CDK8: variants seen among roughly 807,000 people sequenced by gnomAD.
CDK8 encodes the protein cyclin-dependent kinase 8.
Under a neutral mutation model 71.5 loss-of-function variants are expected in CDK8, and 29 were observed. The observed-to-expected ratio is 0.41, with a 90% CI of 0.30 to 0.55. The LOEUF (loss-of-function observed/expected upper bound fraction) is 0.55. Ranked by LOEUF, CDK8 falls within the 20% of genes least tolerant of loss-of-function variation. CDK8 has a pLI of 0.37. For synonymous variants in CDK8, 161 were observed against 192.1 expected (o/e 0.84, Z 1.34); for missense variants, 288 against 572.6 (o/e 0.50, Z 5.07).
chr13:26,281,009 C>T (rs529515378), intron 1 of CDK8, among the ~76,000 whole-genome samples: 1 of 152,262 alleles, frequency 6.6e-6, no homozygotes, highest in African/African-American at 2.4e-5. Flanking sequence ...TCTCTCAAAA[C>T]TGCCACCTTC....
At chr13:26,375,725 A>C (rs575801400) in intron 4 of CDK8, among the ~76,000 whole-genome samples, 1 of 152,396 alleles carries the variant, frequency 6.6e-6, no homozygotes, top group East Asian at 1.9e-4. Context: ...TGGAGCATCT[A>C]TGGCTGTAGA....
At chr13:26,287,629 T>G (rs907066692) in intron 1 of CDK8, among the ~76,000 whole-genome samples, 1 of 152,248 alleles carries the variant, frequency 6.6e-6, no homozygotes, top group South Asian at 2.1e-4. Context: ...TGTACACTGC[T>G]CAGGTGATGG....
chr13:26,288,061 CA>C (rs1236648951), intron 1 of CDK8, among the ~76,000 whole-genome samples: 12 of 152,206 alleles, frequency 7.9e-5, no homozygotes, highest in Admixed American at 5.2e-4. Flanking sequence ...CTCTCCGGCT[CA>C]AGCAGTTCTC....
chr13:26,280,552 G>T (rs1872703617), intron 1 of CDK8, among the ~76,000 whole-genome samples: 1 of 152,150 alleles, frequency 6.6e-6, no homozygotes, highest in Non-Finnish European at 1.5e-5. Flanking sequence ...AGTAGTTTTA[G>T]TTTTGTTTCA....
Position 26,385,226 on chromosome 13 carries a change from C to T in CDK8, c.530C>T (p.Ala177Val), listed in dbSNP as rs2138050058. The T allele has an allele frequency of 6.2e-7, 1 of 1,608,914 alleles. No individual in the cohort carries two copies. Among genetic ancestry groups the T allele is most frequent in the South Asian group, 1.1e-5 (1 of 89,524 alleles). The change falls in exon 6 of 13, where the codon GCC becomes GTC. Residue 177 changes from alanine to valine, a missense_variant. Transcript: ENST00000381527. ...TATTTTACAGCTGACATGGGCTTTG[C>T]CCGATTATTTAATTCACCTTTGAAG... ...GRVKIADMGF[A>V]RLFNSPLKPL...
At chr13:26,390,036 C>G (rs1219626641) in intron 6 of CDK8, among the ~76,000 whole-genome samples, 1 of 151,990 alleles carries the variant, frequency 6.6e-6, no homozygotes, top group African/African-American at 2.4e-5. Flanking sequence ...GAAGGAATTA[C>G]AAAATGGAAC....
At chr13:26,395,599 G>A (rs1423618034) in intron 7 of CDK8, among the ~76,000 whole-genome samples, 1 of 152,082 alleles carries the variant, frequency 6.6e-6, no homozygotes, top group Non-Finnish European at 1.5e-5. Context: ...AACACATTAT[G>A]TAGCATGTAT....
intron 4 of CDK8, among the ~76,000 whole-genome samples, chr13:26,371,942 T>G (rs1173965167): frequency 3.9e-5 from 6 of 152,116 alleles, no homozygotes; most frequent in Non-Finnish European, 7.4e-5. Flanking sequence ...TCTATCAGAT[T>G]ATGACAAAAT....
intron 1 of CDK8, among the ~76,000 whole-genome samples, chr13:26,312,216 C>T (rs1395352583): frequency 6.6e-6 from 1 of 152,194 alleles, no homozygotes; most frequent in Non-Finnish European, 1.5e-5. Flanking sequence ...CACCAATCAG[C>T]ACCCTGTAAA....
At chr13:26,339,074 C>A (rs1226715436) in intron 2 of CDK8, among the ~76,000 whole-genome samples, 1 of 152,020 alleles carries the variant, frequency 6.6e-6, no homozygotes, top group East Asian at 1.9e-4. Flanking sequence ...TGAAAGCCTA[C>A]TTTTAATGTA....
chr13:26,306,002 T>C (rs1874024734), intron 1 of CDK8, among the ~76,000 whole-genome samples: 2 of 152,192 alleles, frequency 1.3e-5, no homozygotes, highest in African/African-American at 4.8e-5. Context: ...TATTTGGAAT[T>C]TTTCTTGAAA....
At chr13:26,398,368 C>T (rs930283376) in intron 9 of CDK8, among the ~76,000 whole-genome samples, 2 of 152,102 alleles carry the variant, frequency 1.3e-5, no homozygotes, top group African/African-American at 4.8e-5. Context: ...TTATTATTCT[C>T]CTTGATTCCC....
intron 4 of CDK8, among the ~76,000 whole-genome samples, chr13:26,372,289 A>G (rs1445350839): frequency 6.6e-6 from 1 of 152,222 alleles, no homozygotes; most frequent in Non-Finnish European, 1.5e-5. Context: ...TGCAAATTGA[A>G]ACACCTCAAT....
intron 1 of CDK8, among the ~76,000 whole-genome samples, chr13:26,325,558 C>T (rs1874978534): frequency 6.6e-6 from 1 of 152,016 alleles, no homozygotes; most frequent in African/African-American, 2.4e-5. Flanking sequence ...AAGAAAAGAG[C>T]AAGTTCTTTA....
chr13:26,370,212 C>CA (rs1458061373), intron 4 of CDK8, among the ~76,000 whole-genome samples: 6 of 152,286 alleles, frequency 3.9e-5, no homozygotes, highest in Admixed American at 3.9e-4. Context: ...ATAATGCCTA[C>CA]AACCCTAAAC....
Position 26,265,604 on chromosome 13 carries a change from A to T in CDK8, c.128+10835A>T, listed in dbSNP as rs181155632. 4.3e-4 allele frequency among the ~76,000 whole-genome samples: 65 copies of T among 152,204 alleles called. 1 individual carries two copies. In the East Asian group the frequency reaches 9.7e-3, roughly 23 times the overall value. On this transcript the variant is annotated intron_variant, in intron 1 of 12. Transcript: ENST00000381527. The stretch of plus-strand genomic sequence containing the variant: ...AGTTGCAACTGAAATTGTTTATTTG[A>T]GGTAATTTTGGGAGCTTGTGTATTA...
chr13:26,282,863 G>A (rs1282696659), intron 1 of CDK8, among the ~76,000 whole-genome samples: 2 of 52,394 alleles, frequency 3.8e-5, no homozygotes, highest in Non-Finnish European at 1.3e-4. Context: ...AGGTAAAAGG[G>A]TGGAAAAAGA....
intron 1 of CDK8, among the ~76,000 whole-genome samples, chr13:26,303,293 A>T (rs1873901636): frequency 6.6e-6 from 1 of 151,274 alleles, no homozygotes; most frequent in Non-Finnish European, 1.5e-5. Context: ...TACTTGGATT[A>T]TCTATAAATA....
At chr13:26,305,428 G>A (rs530645799) in intron 1 of CDK8, among the ~76,000 whole-genome samples, 19 of 152,246 alleles carry the variant, frequency 1.2e-4, no homozygotes, top group African/African-American at 4.6e-4. Flanking sequence ...AAGTACTTAA[G>A]TGTGGTTTTC....
Sources: gnomAD v4.1 joint callset for allele counts (sites outside exome capture counted in the v4.1 genomes callset) on GRCh38, gnomAD v4.1.1 for gene constraint, MANE v1.5 for transcripts, NCBI Gene and HGNC (gene_info 2026-07-23, HGNC 2026-07-21) for gene names.